RABGAP1: variants seen among roughly 807,000 people sequenced by gnomAD.
RABGAP1 encodes rab GTPase-activating protein 1.
A neutral mutation model predicts 137.6 loss-of-function variants in RABGAP1; 23 were observed. The observed-to-expected ratio is 0.17, with a 90% CI of 0.12 to 0.24. The LOEUF (loss-of-function observed/expected upper bound fraction) is 0.24, where lower values mean the gene tolerates loss of function less well. RABGAP1 is among the 10% of genes least tolerant of loss of function. RABGAP1 has a pLI of 1.00. For missense variants in RABGAP1, 906 were observed against 1,275.8 expected (o/e 0.71, Z 4.42); for synonymous variants, 451 against 450.7 (o/e 1.00, Z -0.01).
At chr9:123,053,435 A>G (rs1296622828) in intron 13 of RABGAP1, among the ~76,000 whole-genome samples, 4 of 152,236 alleles carry the variant, frequency 2.6e-5, no homozygotes, top group African/African-American at 9.6e-5. Flanking sequence ...TTTATTTTAT[A>G]TTAAGCATAG....
chr9:123,016,951 G>A (rs1035100626), intron 12 of RABGAP1, among the ~76,000 whole-genome samples: 3 of 152,182 alleles, frequency 2.0e-5, no homozygotes, highest in Non-Finnish European at 2.9e-5. Flanking sequence ...AATGTCAAAT[G>A]TGTACAGGAG....
At chr9:123,022,775 A>G (rs1285248810) in intron 13 of RABGAP1, among the ~76,000 whole-genome samples, 1 of 152,156 alleles carries the variant, frequency 6.6e-6, no homozygotes, top group Non-Finnish European at 1.5e-5. Flanking sequence ...AAATTATTTA[A>G]CCACCATAAT....
In RABGAP1 at chr9:123,103,449, ACTC is replaced by A. The variant is rs935580518; in HGVS notation, c.*240_*242del. 27 of 426,760 alleles carry A rather than the reference ACTC, an allele frequency of 6.3e-5. No homozygotes were observed. The highest frequency in any genetic ancestry group is 4.6e-4 in the African/African-American group (22 of 47,882). The allele number at this position is 426,760 out of a possible 1,614,324, so 26.4% of individuals were successfully genotyped here. ...CGACGCTCTGGACACTCTAGAAATC[ACTC>A]CTCAGTGTGACCTCCCAGGCCTCTT... is the stretch of plus-strand genomic sequence containing the variant. On this transcript the variant is annotated 3_prime_UTR_variant, in exon 26 of 26. Transcript: ENST00000373647.
At chr9:123,011,150 G>A (rs534603466) in intron 11 of RABGAP1, among the ~76,000 whole-genome samples, 40 of 152,032 alleles carry the variant, frequency 2.6e-4, no homozygotes, top group Non-Finnish European at 5.1e-4. Context: ...CTTACTACCA[G>A]GGCTTCGAAT....
At chr9:123,018,629 C>T (rs1481016509) in intron 12 of RABGAP1, among the ~76,000 whole-genome samples, 6 of 152,226 alleles carry the variant, frequency 3.9e-5, no homozygotes, top group African/African-American at 1.4e-4. Context: ...GTTCTTTCTG[C>T]TCATAACTTT....
chr9:122,951,674 A>T (rs1161665406), intron 1 of RABGAP1, among the ~76,000 whole-genome samples: 1 of 151,930 alleles, frequency 6.6e-6, no homozygotes, highest in African/African-American at 2.4e-5. Flanking sequence ...GGACTCAAGC[A>T]GTCCTCTGGC....
intron 21 of RABGAP1, among the ~76,000 whole-genome samples, chr9:123,094,714 T>G (rs182523601): frequency 1.6e-4 from 24 of 152,282 alleles, no homozygotes; most frequent in Admixed American, 5.9e-4. Context: ...TGTATATGAT[T>G]GTTCTTTGAT....
chr9:122,944,585 G>C (rs915756648), intron 1 of RABGAP1, among the ~76,000 whole-genome samples: 2 of 150,586 alleles, frequency 1.3e-5, no homozygotes, highest in African/African-American at 4.9e-5. Context: ...GGAGTGTGGC[G>C]GCACGATATC....
chr9:122,998,969 G>T (rs1837182730), intron 10 of RABGAP1, among the ~76,000 whole-genome samples: 2 of 151,866 alleles, frequency 1.3e-5, no homozygotes, highest in Admixed American at 1.3e-4. Flanking sequence ...ATTTCCATTT[G>T]GTCTCATTTA....
chr9:122,936,365 A>ATCCACCTC (rs1451440911), upstream of RABGAP1, among the ~76,000 whole-genome samples: 1 of 152,142 alleles, frequency 6.6e-6, no homozygotes, highest in African/African-American at 2.4e-5. Flanking sequence ...GTCAAAAGGA[A>ATCCACCTC]TCCACCTCTC....
At chr9:123,056,177 G>C (rs2430398) in intron 13 of RABGAP1, among the ~76,000 whole-genome samples, 35,794 of 152,086 alleles carry the variant, frequency 0.24, 6,282 homozygotes, top group East Asian at 0.65. Context: ...TCTAGGCCCT[G>C]TCAACTGATA....
intron 13 of RABGAP1, among the ~76,000 whole-genome samples, chr9:123,046,802 T>C (rs1020676834): frequency 1.3e-5 from 2 of 152,176 alleles, no homozygotes; most frequent in Non-Finnish European, 2.9e-5. Flanking sequence ...AGGGATTTAA[T>C]TCTATTTAGG....
intron 13 of RABGAP1, chr9:123,035,056 T>G (rs145809014): frequency 7.0e-5 from 113 of 1,614,014 alleles, no homozygotes; most frequent in Middle Eastern, 3.3e-4. Flanking sequence ...CTTCCTGCCT[T>G]CCTTTTTCCA....
chr9:122,968,012 G>A (rs964167780), intron 2 of RABGAP1, among the ~76,000 whole-genome samples: 2 of 152,200 alleles, frequency 1.3e-5, no homozygotes, highest in South Asian at 2.1e-4. Flanking sequence ...ACAGGTGTGA[G>A]CCACCATGCC....
chr9:123,088,615 G>T lies in RABGAP1; in HGVS notation c.2425-1143G>T, dbSNP rs77990358. Among the ~76,000 whole-genome samples, 295 of 152,162 alleles carry T rather than the reference G, an allele frequency of 1.9e-3. 1 individual carries two copies. The highest frequency in any genetic ancestry group is 6.6e-3 in the African/African-American group (275 of 41,510). Reference sequence around the variant, plus strand: ...GGGCGGGAGGATCAACTTGCCACAGGATGTCAAGGCTGCAGTGAGCTGAGA... The same window carrying T: ...GGGCGGGAGGATCAACTTGCCACAGTATGTCAAGGCTGCAGTGAGCTGAGA... On this transcript the variant is annotated intron_variant, in intron 19 of 25. Transcript: ENST00000373647.
intron 13 of RABGAP1, among the ~76,000 whole-genome samples, chr9:123,025,715 A>G (rs2031924057): frequency 6.6e-6 from 1 of 151,800 alleles, no homozygotes; most frequent in African/African-American, 2.4e-5. Flanking sequence ...AGGGAAAAAG[A>G]GAGTGATTTT....
chr9:123,006,409 A>G (rs2030266827), intron 10 of RABGAP1, among the ~76,000 whole-genome samples: 1 of 152,114 alleles, frequency 6.6e-6, no homozygotes, highest in Admixed American at 6.5e-5. Flanking sequence ...ATTTGATTTA[A>G]TCTTTTTCCA....
intron 21 of RABGAP1, among the ~76,000 whole-genome samples, chr9:123,091,686 A>G (rs2035036633): frequency 6.6e-6 from 1 of 152,018 alleles, no homozygotes; most frequent in African/African-American, 2.4e-5. Flanking sequence ...TCTGCTTGTC[A>G]TCTACAAATA....
At chr9:122,991,831 C>T (rs561053425) in intron 6 of RABGAP1, among the ~76,000 whole-genome samples, 53 of 151,932 alleles carry the variant, frequency 3.5e-4, no homozygotes, top group Non-Finnish European at 6.8e-4. Context: ...GTCTTGAACT[C>T]GTGGTCTCAA....
Sources: gnomAD v4.1 joint callset for allele counts (sites outside exome capture counted in the v4.1 genomes callset) on GRCh38, gnomAD v4.1.1 for gene constraint, MANE v1.5 for transcripts, NCBI Gene and HGNC (gene_info 2026-07-23, HGNC 2026-07-21) for gene names.